The following NRXN3 variants were observed in gnomAD, a reference collection of about 807,000 sequenced individuals.
NRXN3 encodes the protein neurexin 3.
Under a neutral mutation model 137.6 loss-of-function variants are expected in NRXN3, and 32 were observed. The observed-to-expected ratio is 0.23, with a 90% confidence interval of 0.18 to 0.31. NRXN3 has a LOEUF of 0.31. NRXN3 is among the 10% of genes least tolerant of loss of function. The probability of loss-of-function intolerance (pLI) is 1.00; values close to 1 mark genes in which losing one functional copy is unlikely to be tolerated. For synonymous variants in NRXN3, 798 were observed against 784.5 expected, an observed-to-expected ratio of 1.02 and a Z score of -0.29; for missense variants, 1,574 against 2,062.5, an observed-to-expected ratio of 0.76 and a Z score of 4.59.
chr14:78,906,687 A>T (rs1387278431), intron 10 of NRXN3, among the ~76,000 whole-genome samples: 1 of 152,026 alleles, frequency 6.6e-6, no homozygotes, highest in African/African-American at 2.4e-5. Context: ...AAGGGTGGAA[A>T]TTGAGCTGGT....
At chr14:78,319,493 A>G (rs933271826) in intron 4 of NRXN3, among the ~76,000 whole-genome samples, 5 of 152,210 alleles carry the variant, frequency 3.3e-5, no homozygotes, top group African/African-American at 1.2e-4. Context: ...GGGGGCCTAC[A>G]TGATTCACAG....
intron 8 of NRXN3, among the ~76,000 whole-genome samples, chr14:78,716,718 CTG>C (rs1177827524): frequency 1.3e-5 from 2 of 152,152 alleles, no homozygotes; most frequent in Non-Finnish European, 2.9e-5. Flanking sequence ...GTGGGGCCAA[CTG>C]TGTTACTAGC....
intron 15 of NRXN3, among the ~76,000 whole-genome samples, chr14:79,286,535 A>AATATATATATATAT (rs111827205): frequency 5.8e-4 from 81 of 139,656 alleles, no homozygotes; most frequent in South Asian, 1.4e-3. Flanking sequence ...TTGAGAGAAT[A>AATATATATATATAT]ATATATATAT....
chr14:79,071,234 T>G (rs2099687269), intron 15 of NRXN3, among the ~76,000 whole-genome samples: 1 of 152,118 alleles, frequency 6.6e-6, no homozygotes, highest in South Asian at 2.1e-4. Context: ...TAATGTGGTT[T>G]TTGCCATTTT....
At chr14:79,688,043 T>C (rs941804964) in intron 17 of NRXN3, among the ~76,000 whole-genome samples, 5 of 152,126 alleles carry the variant, frequency 3.3e-5, no homozygotes, top group African/African-American at 1.2e-4. Context: ...AATATGGTCA[T>C]CTTTTGAATG....
intron 2 of NRXN3, among the ~76,000 whole-genome samples, chr14:78,269,752 G>A (rs951419437): frequency 6.6e-6 from 1 of 152,118 alleles, no homozygotes; most frequent in Admixed American, 6.5e-5. Context: ...ACTTTATTTT[G>A]TATTGAATTG....
At chr14:78,609,487 C>T (rs574906432) in intron 4 of NRXN3, among the ~76,000 whole-genome samples, 2 of 152,284 alleles carry the variant, frequency 1.3e-5, no homozygotes, top group Admixed American at 1.3e-4. Flanking sequence ...AAAGTAGGCT[C>T]TGTGATTTTC....
chr14:79,786,946 A>T (rs2099131165), intron 19 of NRXN3, among the ~76,000 whole-genome samples: 1 of 152,200 alleles, frequency 6.6e-6, no homozygotes. Context: ...GTGGCCAAAG[A>T]ATCATAGGTT....
chr14:78,589,918 T>C (rs1180330954), intron 4 of NRXN3, among the ~76,000 whole-genome samples: 2 of 152,056 alleles, frequency 1.3e-5, no homozygotes, highest in Non-Finnish European at 2.9e-5. Context: ...AATCGCACCA[T>C]TGCACTCCAG....
At chr14:79,329,845 T>G (rs2091425927) in intron 15 of NRXN3, among the ~76,000 whole-genome samples, 1 of 65,754 alleles carries the variant, frequency 1.5e-5, no homozygotes, top group East Asian at 6.2e-4. Flanking sequence ...TCAAAAGAGT[T>G]TTTTTTTTTT....
At chr14:79,603,896 C>CTTATTA (rs111763828) in intron 16 of NRXN3, among the ~76,000 whole-genome samples, 4,850 of 151,960 alleles carry the variant, frequency 0.032, 234 homozygotes, top group East Asian at 0.24. Flanking sequence ...GAACAATCTT[C>CTTATTA]TTATTATTTG....
chr14:79,432,963 A>G (rs1332238132), intron 15 of NRXN3, among the ~76,000 whole-genome samples: 1 of 152,166 alleles, frequency 6.6e-6, no homozygotes, highest in Non-Finnish European at 1.5e-5. Context: ...TGCCTGAATA[A>G]TGCTTCTTTT....
Position 78,610,005 on chromosome 14 carries a change from TAGAG to T in NRXN3, c.758-35111_758-35108del, listed in dbSNP as rs200958445. Among the ~76,000 whole-genome samples, 1,338 of 145,394 alleles carry T rather than the reference TAGAG, an allele frequency of 9.2e-3. 13 individuals carry two copies. Among genetic ancestry groups the T allele is most frequent in the African/African-American group, 0.032 (1,264 of 39,114 alleles). Reference sequence around the variant, plus strand: ...TTCTACTATGTAACAGAATGTGAGATAGAGAGAAGGAGAGGGAGGAGAGAGGGAG... The same window carrying T: ...TTCTACTATGTAACAGAATGTGAGATAGAAGGAGAGGGAGGAGAGAGGGAG... On this transcript the variant is annotated intron_variant, in intron 4 of 20. Transcript: ENST00000335750.
chr14:78,938,936 CTG>C (rs1491348326), intron 10 of NRXN3, among the ~76,000 whole-genome samples: 1 of 151,176 alleles, frequency 6.6e-6, no homozygotes, highest in Non-Finnish European at 1.5e-5. Flanking sequence ...GCTCCGCCCC[CTG>C]GGGTTCACGC....
At chr14:79,204,294 C>T (rs534438248) in intron 15 of NRXN3, among the ~76,000 whole-genome samples, 2 of 151,684 alleles carry the variant, frequency 1.3e-5, no homozygotes, top group South Asian at 4.2e-4. Flanking sequence ...TTATTCTTTC[C>T]AAATGTGCTT....
At chr14:78,663,586 C>T in intron 6 of NRXN3, among the ~76,000 whole-genome samples, 1 of 152,144 alleles carries the variant, frequency 6.6e-6, no homozygotes, top group Non-Finnish European at 1.5e-5. Context: ...TAATATTTTC[C>T]ATGAAGTTGG....
intron 10 of NRXN3, among the ~76,000 whole-genome samples, chr14:78,950,463 A>G (rs565132794): frequency 8.5e-5 from 13 of 152,316 alleles, no homozygotes; most frequent in African/African-American, 3.1e-4. Flanking sequence ...GGTTCATTTT[A>G]CACTGTGATC....
intron 10 of NRXN3, among the ~76,000 whole-genome samples, chr14:78,863,493 G>A (rs1484658978): frequency 6.6e-6 from 1 of 151,888 alleles, no homozygotes; most frequent in African/African-American, 2.4e-5. Context: ...TCAATCATAT[G>A]TGACAGATTT....
chr14:78,521,478 C>G (rs1432666782), intron 4 of NRXN3, among the ~76,000 whole-genome samples: 1 of 151,908 alleles, frequency 6.6e-6, no homozygotes, highest in Non-Finnish European at 1.5e-5. Context: ...GCTAATTGAC[C>G]CATGCTATGC....
Sources: gnomAD v4.1 joint callset for allele counts (sites outside exome capture counted in the v4.1 genomes callset) on GRCh38, gnomAD v4.1.1 for gene constraint, MANE v1.5 for transcripts, NCBI Gene and HGNC (gene_info 2026-07-23, HGNC 2026-07-21) for gene names.